Variants in UBL3 observed in about 807,000 individuals in gnomAD.
The protein encoded by UBL3 is ubiquitin-like protein 3.
Under a neutral mutation model 18.4 loss-of-function variants are expected in UBL3, and 6 were observed. The observed-to-expected ratio is 0.33, with a 90% CI of 0.18 to 0.64. The LOEUF is 0.64. Ranked by LOEUF, UBL3 falls within the 30% of genes least tolerant of loss-of-function variation. The pLI, the probability that UBL3 is intolerant of heterozygous loss-of-function variation, is 0.76. For missense variants in UBL3, 109 were observed against 142.9 expected (o/e 0.76, Z 1.21); for synonymous variants, 49 against 46.6 (o/e 1.05, Z -0.21).
chr13:29,844,948 T>C (rs1181773330), intron 1 of UBL3, among the ~76,000 whole-genome samples: 1 of 152,164 alleles, frequency 6.6e-6, no homozygotes, highest in African/African-American at 2.4e-5. Context: ...ATTTATTTTT[T>C]TCTGTAAGTA....
At position 29,849,847 on chromosome 13, in the gene UBL3, A is replaced by T. The variant is rs1428319529; in HGVS notation, c.-309T>A. Reference sequence around the variant, plus strand: ...AGGACCGGCCGCGCCAGGTGGACCGAGCCGAGTGACACACGGACATGGAGA... The same window carrying T: ...AGGACCGGCCGCGCCAGGTGGACCGTGCCGAGTGACACACGGACATGGAGA... On this transcript the variant is annotated 5_prime_UTR_variant, in exon 1 of 5. Transcript: ENST00000380680. 3.8e-6 allele frequency: 2 copies of T among 526,534 alleles called. No individual in the cohort carries two copies. The highest frequency in any genetic ancestry group is 6.8e-6 in the Non-Finnish European group (2 of 292,714). The allele number at this position is 526,534 out of a possible 1,614,324, so 32.6% of individuals were successfully genotyped here.
rs142141560 is a variant in UBL3 at position 29,778,647 on chromosome 13, G to T, written c.28-1384C>A. Reference sequence around the variant, plus strand: ...ATACCAGAAAATCTTTAAGATGTCAGAGTCTACAATGAATAAATTGGTGCC... The same window carrying T: ...ATACCAGAAAATCTTTAAGATGTCATAGTCTACAATGAATAAATTGGTGCC... On this transcript the variant is annotated intron_variant, in intron 1 of 4. Coordinates refer to ENST00000380680, the MANE Select transcript of UBL3 (RefSeq NM_007106.4). Among the ~76,000 whole-genome samples the T allele has an allele frequency of 1.1e-3, 171 of 152,188 alleles. 2 individuals are homozygous for T. Among genetic ancestry groups the T allele is most frequent in the African/African-American group, 4.0e-3 (166 of 41,512 alleles).
chr13:29,779,707 T>C (rs763863116), intron 1 of UBL3, among the ~76,000 whole-genome samples: 4 of 152,160 alleles, frequency 2.6e-5, no homozygotes, highest in Non-Finnish European at 2.9e-5. Flanking sequence ...CATGAACAGA[T>C]AGCCACAATA....
At chr13:29,788,874 C>T (rs1390679841) in intron 1 of UBL3, among the ~76,000 whole-genome samples, 58 of 61,600 alleles carry the variant, frequency 9.4e-4, no homozygotes, top group African/African-American at 2.2e-3. Flanking sequence ...TGTGTGTGCG[C>T]GCGCGCGCGC....
At chr13:29,802,386 T>C (rs931781810) in intron 1 of UBL3, among the ~76,000 whole-genome samples, 2 of 152,210 alleles carry the variant, frequency 1.3e-5, no homozygotes, top group Non-Finnish European at 2.9e-5. Flanking sequence ...AACCAGTGCA[T>C]GAACTTTGGC....
chr13:29,849,733 G>C lies in UBL3; in HGVS notation c.-195C>G. On this transcript the variant is annotated 5_prime_UTR_variant, in exon 1 of 5. Coordinates refer to ENST00000380680, the MANE Select transcript of UBL3 (RefSeq NM_007106.4). Reference sequence around the variant, plus strand: ...TGGTTCGAAGAGGAACAATCCCCAGGAGCTGTGTGGCCGGAGCAGGAGGAA... The same window carrying C: ...TGGTTCGAAGAGGAACAATCCCCAGCAGCTGTGTGGCCGGAGCAGGAGGAA... 1 of 682,024 alleles carries C rather than the reference G, an allele frequency of 1.5e-6. No individual in the cohort carries two copies. Among genetic ancestry groups the C allele is most frequent in the Non-Finnish European group, 2.5e-6 (1 of 403,662 alleles). The allele number at this position is 682,024 out of a possible 1,614,324, so 42.2% of individuals were successfully genotyped here.
chr13:29,785,212 T>G (rs1463225005), intron 1 of UBL3, among the ~76,000 whole-genome samples: 1 of 152,186 alleles, frequency 6.6e-6, no homozygotes, highest in Non-Finnish European at 1.5e-5. Flanking sequence ...GGCCTATCAT[T>G]ATCAATTTCT....
At chr13:29,824,724 G>A (rs1317429720) in intron 1 of UBL3, among the ~76,000 whole-genome samples, 1 of 152,158 alleles carries the variant, frequency 6.6e-6, no homozygotes, top group Admixed American at 6.5e-5. Flanking sequence ...GATCCCATTT[G>A]TGAATTTTGG....
chr13:29,823,636 A>T lies in UBL3; in HGVS notation c.27+25876T>A, dbSNP rs553361820. 2.2e-4 allele frequency among the ~76,000 whole-genome samples: 34 copies of T among 152,354 alleles called. No homozygotes were observed. In the South Asian group the frequency reaches 7.0e-3, roughly 32 times the overall value. On this transcript the variant is annotated intron_variant, in intron 1 of 4. Transcript: ENST00000380680. Reference sequence around the variant, plus strand: ...AGTGGCAACCACATTAACCTAGTTGACACTGCATAATGATAATTACCTTTC... The same window carrying T: ...AGTGGCAACCACATTAACCTAGTTGTCACTGCATAATGATAATTACCTTTC...
At chr13:29,812,073 G>A (rs532420355) in intron 1 of UBL3, among the ~76,000 whole-genome samples, 3 of 151,992 alleles carry the variant, frequency 2.0e-5, no homozygotes, top group African/African-American at 7.2e-5. Context: ...TTATCAATTT[G>A]TAAAAGGCCT....
intron 1 of UBL3, among the ~76,000 whole-genome samples, chr13:29,791,335 A>C (rs1304379884): frequency 1.3e-5 from 2 of 152,204 alleles, no homozygotes; most frequent in Admixed American, 1.3e-4. Flanking sequence ...CTAATCACTT[A>C]CAAGTGCTGC....
chr13:29,804,299 C>G (rs973248149), intron 1 of UBL3, among the ~76,000 whole-genome samples: 1 of 152,030 alleles, frequency 6.6e-6, no homozygotes, highest in African/African-American at 2.4e-5. Context: ...ATACCAAAAT[C>G]TCTGGGACAC....
At position 29,767,653 on chromosome 13, in the gene UBL3, A is replaced by G; in HGVS notation, c.266T>C (p.Val89Ala). Residue 89 changes from valine to alanine, a missense_variant, in exon 4 of 5, where the codon GTG (valine) becomes GCG (alanine). Transcript: ENST00000380680. ...TGGCTCTGGTAATGTCTCTCTGGCC[A>G]CCAAATGCATCACTGTTGTTTTGCC... is the stretch of plus-strand genomic sequence containing the variant. The part of the protein sequence containing the change: ...PFGKTTVMHL[V>A]ARETLPEPNS... The G allele has an allele frequency of 6.2e-7, 1 of 1,613,038 alleles. No homozygotes were observed. Among genetic ancestry groups the G allele is most frequent in the Non-Finnish European group, 8.5e-7 (1 of 1,179,266 alleles).
At chr13:29,841,055 AAAG>A (rs1879088386) in intron 1 of UBL3, among the ~76,000 whole-genome samples, 1 of 152,166 alleles carries the variant, frequency 6.6e-6, no homozygotes, top group Admixed American at 6.5e-5. Context: ...ATATGAAAGT[AAAG>A]AAAAACATAT....
rs748944457 is a variant in UBL3, at chr13:29,777,210, A to G, written c.81T>C (p.Ser27=). Residue 27 remains serine (S), a synonymous_variant, in exon 2 of 5, where the codon TCT becomes TCC. Transcript: ENST00000380680. Reference sequence around the variant, plus strand: ...CAATGTCAGAAGCAGAATCGTTAGGAGAAAACAGGAACTCTTTTGTTTTTC... The same window carrying G: ...CAATGTCAGAAGCAGAATCGTTAGGGGAAAACAGGAACTCTTTTGTTTTTC... ...VSGKTKEFLF[S]PNDSASDIAK... 2 of 1,610,386 alleles carry G rather than the reference A, an allele frequency of 1.2e-6. No homozygotes were observed. Among genetic ancestry groups the G allele is most frequent in the East Asian group, 2.2e-5 (1 of 44,800 alleles).
At chr13:29,830,604 C>A (rs1878747313) in intron 1 of UBL3, among the ~76,000 whole-genome samples, 1 of 152,172 alleles carries the variant, frequency 6.6e-6, no homozygotes, top group Non-Finnish European at 1.5e-5. Context: ...GCTACTGAAC[C>A]AACAGCCCTA....
At chr13:29,833,589 C>A (rs1385054926) in intron 1 of UBL3, among the ~76,000 whole-genome samples, 1 of 152,194 alleles carries the variant, frequency 6.6e-6, no homozygotes, top group Non-Finnish European at 1.5e-5. Context: ...GCATGGCTTG[C>A]TCCCCACCTC....
chr13:29,795,536 A>C (rs964519230), intron 1 of UBL3, among the ~76,000 whole-genome samples: 4 of 151,916 alleles, frequency 2.6e-5, no homozygotes, highest in African/African-American at 4.8e-5. Context: ...TAACATTATT[A>C]ATAGGTAATA....
intron 1 of UBL3, among the ~76,000 whole-genome samples, chr13:29,785,345 A>G (rs187622190): frequency 4.4e-4 from 62 of 141,034 alleles, no homozygotes; most frequent in African/African-American, 1.5e-3. Context: ...TTGTCTTAAA[A>G]AGATTTTTTT....
Sources: allele counts gnomAD v4.1 joint callset (sites outside exome capture counted in the v4.1 genomes callset), GRCh38; gene constraint gnomAD v4.1.1; transcripts MANE v1.5; gene names NCBI Gene and HGNC (gene_info 2026-07-23, HGNC 2026-07-21).